Variants in CRLF1 observed in about 807,000 individuals in gnomAD.
CRLF1 encodes cytokine receptor like factor 1, also known as cytokine receptor-like factor 1.
A neutral mutation model predicts 48.9 loss-of-function variants in CRLF1; 36 were observed. The ratio of observed to expected loss-of-function variants is 0.74; its 90% CI spans 0.56 to 0.97. The LOEUF (loss-of-function observed/expected upper bound fraction) is 0.97. CRLF1 is among the 50% of genes least tolerant of loss of function. CRLF1 has a pLI of 0.00. For missense variants in CRLF1, 534 were observed against 575.1 expected, an observed-to-expected ratio of 0.93 and a Z score of 0.73; for synonymous variants, 256 against 253.4, an observed-to-expected ratio of 1.01 and a Z score of -0.10.
At chr19:18,604,460 A>G in intron 1 of CRLF1, among the ~76,000 whole-genome samples, 1 of 152,132 alleles carries the variant, frequency 6.6e-6, no homozygotes, top group African/African-American at 2.4e-5. Flanking sequence ...CTCCTCCATA[A>G]AATGGGAGGA....
intron 6 of CRLF1, among the ~76,000 whole-genome samples, chr19:18,594,954 G>C (rs1161468273): frequency 6.6e-6 from 1 of 152,086 alleles, no homozygotes; most frequent in Non-Finnish European, 1.5e-5. Flanking sequence ...AAGAGATCGA[G>C]ACAGAGACAC....
Position 18,606,542 on chromosome 19 carries a change from G to T in CRLF1, c.115C>A (p.His39Asn), listed in dbSNP as rs1175841723. The part of the protein sequence containing the change: ...LGAPRAGSGA[H>N]TAVISPQDPT... ...AAGGAGTGGGGCGCCGGGTACTCAC[G>T]GGCTCCTGATCCGGCTCGCGGCGCC... The change falls in exon 1 of 9, where the codon CAC becomes AAC. Residue 39 changes from histidine to asparagine, a missense_variant and splice_region_variant. This residue lies in a region of CRLF1 where 528 missense variants were observed against 555.7 expected (regional missense o/e 0.95). Transcript: ENST00000392386. This position sits in a 1 kb window ranked among gnomAD's most constrained non-coding sequence, Gnocchi z 4.8. 2 of 1,157,340 alleles carry T rather than the reference G, an allele frequency of 1.7e-6. No individual in the cohort carries two copies. Among genetic ancestry groups the T allele is most frequent in the South Asian group, 4.2e-5 (1 of 23,674 alleles). 71.7% of individuals were successfully genotyped at this position (1,157,340 alleles called of 1,614,324 possible). A position where few individuals can be genotyped will look rare whatever the true frequency, so the allele number is the denominator to read the frequency against.
At chr19:18,595,037 T>C (rs977625340) in intron 6 of CRLF1, among the ~76,000 whole-genome samples, 21 of 152,080 alleles carry the variant, frequency 1.4e-4, no homozygotes, top group Non-Finnish European at 2.2e-4. Flanking sequence ...CATGGGCCCA[T>C]GGGACAGGGA....
chr19:18,594,031 C>CGGGGGCG, intron 8 of CRLF1, 34 bp downstream of exon 8: 3 of 1,299,848 alleles, frequency 2.3e-6, no homozygotes, highest in Non-Finnish European at 3.2e-6. Context: ...CCTCCCCTTG[C>CGGGGGCG]TCCCTCCCGC....
chr19:18,594,034 C>A, intron 8 of CRLF1, 31 bp downstream of exon 8: 1 of 506,860 alleles, frequency 2.0e-6, no homozygotes, highest in Non-Finnish European at 3.6e-6. Context: ...CCCCTTGCTC[C>A]CTCCCGCCCA....
intron 8 of CRLF1, 95 bp downstream of exon 8, chr19:18,593,970 G>A (rs1427840380): frequency 6.6e-7 from 1 of 1,513,164 alleles, no homozygotes; most frequent in Non-Finnish European, 8.9e-7. Flanking sequence ...TCTAAGGCTG[G>A]GGTTGGGAGG....
At chr19:18,599,010 G>A in intron 2 of CRLF1, 109 bp from the exon 3 acceptor site, 1 of 1,561,118 alleles carries the variant, frequency 6.4e-7, no homozygotes, top group Non-Finnish European at 8.7e-7. Context: ...GTGGAAGGAG[G>A]GCAGACAGGA....
chr19:18,604,186 C>T (rs1600657239), intron 1 of CRLF1, among the ~76,000 whole-genome samples: 2 of 152,184 alleles, frequency 1.3e-5, no homozygotes, highest in Non-Finnish European at 2.9e-5. Context: ...GGGGGCGCTG[C>T]CCCTCTGCCA....
chr19:18,597,724 G>C (rs568461748), intron 4 of CRLF1, among the ~76,000 whole-genome samples: 1 of 151,876 alleles, frequency 6.6e-6, no homozygotes, highest in Non-Finnish European at 1.5e-5. Flanking sequence ...GAGCCACCGC[G>C]CCCGGCCCTC....
chr19:18,597,645 G>T (rs1483149194), intron 4 of CRLF1, among the ~76,000 whole-genome samples: 2 of 151,794 alleles, frequency 1.3e-5, no homozygotes, highest in African/African-American at 2.4e-5. Context: ...TTTTAGCCGG[G>T]ATGGTCTCGA....
rs1600647607 is a variant in CRLF1 at position 18,593,322 on chromosome 19, G to A, written c.*244C>T. 2 of 563,450 alleles carry A rather than the reference G, an allele frequency of 3.5e-6. No individual in the cohort carries two copies. Among genetic ancestry groups the A allele is most frequent in the East Asian group, 2.9e-5 (1 of 34,220 alleles). 34.9% of individuals were successfully genotyped at this position (563,450 alleles called of 1,614,324 possible). On this transcript the variant is annotated 3_prime_UTR_variant, in exon 9 of 9. Transcript: ENST00000392386. ...GTAATGACTCCCCTTCTCACCCCCA[G>A]CCCTGGCAGGGGTTCTAGGCAACTC...
chr19:18,599,433 A>G (rs1600653631), intron 2 of CRLF1, 132 bp downstream of exon 2: 6 of 1,322,828 alleles, frequency 4.5e-6, no homozygotes, highest in African/African-American at 2.9e-5. Flanking sequence ...TTCCCACCTG[A>G]AAGACCTGCA....
chr19:18,598,669 C>G, intron 3 of CRLF1, 68 bp from the exon 4 acceptor site: 1 of 1,613,602 alleles, frequency 6.2e-7, no homozygotes, highest in Non-Finnish European at 8.5e-7. Flanking sequence ...ACCATGGCAG[C>G]CTCAGGGTGC....
At position 18,606,449 on chromosome 19, in the gene CRLF1, G is replaced by T; in HGVS notation, c.115+93C>A. On this transcript the variant is annotated intron_variant, in intron 1 of 8. Coordinates refer to ENST00000392386, the MANE Select transcript of CRLF1 (RefSeq NM_004750.5). This position sits in a 1 kb window ranked among gnomAD's most constrained non-coding sequence, Gnocchi z 4.8. ...CCTTCCTTTGTTCCCCGGCCGTCCA[G>T]GTGGCGCCCGCGCCCCCTCCCCCCG... is the stretch of plus-strand genomic sequence containing the variant. 1.0e-6 allele frequency: 1 copy of T among 977,912 alleles called. No homozygotes were observed. The highest frequency in any genetic ancestry group is 1.2e-6 in the Non-Finnish European group (1 of 811,228). The allele number at this position is 977,912 out of a possible 1,614,324, so 60.6% of individuals were successfully genotyped here.
intron 6 of CRLF1, among the ~76,000 whole-genome samples, chr19:18,595,285 CG>C (rs1157566815): frequency 2.6e-5 from 4 of 152,220 alleles, no homozygotes; most frequent in South Asian, 2.1e-4. Context: ...TCGCAGGTGC[CG>C]GGCACGAGCA....
At chr19:18,594,564 C>G (rs1976105146) in intron 6 of CRLF1, 130 bp from the exon 7 acceptor site, 2 of 673,792 alleles carry the variant, frequency 3.0e-6, no homozygotes, top group South Asian at 5.5e-5. Context: ...TCTCAAGGAC[C>G]GAGTCCTCCC....
At position 18,596,984 on chromosome 19, in the gene CRLF1, C is replaced by G. The variant is rs756906640; in HGVS notation, c.763G>C (p.Val255Leu). 3.7e-6 allele frequency: 6 copies of G among 1,613,716 alleles called. No homozygotes were observed. The highest frequency in any genetic ancestry group is 2.2e-5 in the East Asian group (1 of 44,886). The change falls in exon 5 of 9, where the codon GTG becomes CTG. Residue 255 changes from valine (V) to leucine (L), a missense_variant. Val to Leu is a conservative substitution (Grantham distance 32). Coordinates refer to ENST00000392386, the MANE Select transcript of CRLF1 (RefSeq NM_004750.5). The stretch of plus-strand genomic sequence containing the variant: ...AGGGCGGGTGGCGACACCCAGCGCA[C>G]GCTCAGCTGGTCCTCCAGGCCCCCG... ...RVGGLEDQLS[V>L]RWVSPPALKD...
At chr19:18,599,906 T>C (rs1976198394) in intron 1 of CRLF1, 60 bp from the exon 2 acceptor site, 8 of 1,441,480 alleles carry the variant, frequency 5.5e-6, no homozygotes, top group Non-Finnish European at 6.4e-6. Flanking sequence ...CCCCCAACCA[T>C]GCCAGGACCT....
At chr19:18,594,032 T>TGGGGGCCCCCCCC in intron 8 of CRLF1, 33 bp downstream of exon 8, 2 of 695,808 alleles carry the variant, frequency 2.9e-6, no homozygotes, top group Non-Finnish European at 4.4e-6. Context: ...CTCCCCTTGC[T>TGGGGGCCCCCCCC]CCCTCCCGCC....
Sources: allele counts gnomAD v4.1 joint callset (sites outside exome capture counted in the v4.1 genomes callset), GRCh38; gene constraint gnomAD v4.1.1; regional missense constraint gnomAD v4.1.1; non-coding constraint Gnocchi (gnomAD v3.1); transcripts MANE v1.5; gene names NCBI Gene and HGNC (gene_info 2026-07-23, HGNC 2026-07-21).